Variants in RGS12 observed in about 807,000 individuals in gnomAD.
RGS12 encodes regulator of G protein signaling 12.
RGS12 carries 66 observed loss-of-function variants against 120.1 expected under a neutral mutation model. The observed-to-expected ratio is 0.55, with a 90% CI of 0.45 to 0.67. RGS12 has a LOEUF of 0.67. Among genes scored for constraint, RGS12 ranks in the 30% least tolerant of loss-of-function variants. RGS12 has a pLI of 0.00. For synonymous variants in RGS12, 827 were observed against 804.7 expected (o/e 1.03, Z -0.47); for missense variants, 1,859 against 1,957.7 (o/e 0.95, Z 0.95).
At position 3,316,346 on chromosome 4, in the gene RGS12, G is replaced by T. The variant is rs772508118; in HGVS notation, c.176G>T (p.Arg59Leu). The T allele has an allele frequency of 1.2e-6, 2 of 1,611,706 alleles. No homozygotes were observed. The highest frequency in any genetic ancestry group is 1.7e-6 in the Non-Finnish European group (2 of 1,178,866). The change falls in exon 2 of 18, where the codon CGA (arginine) becomes CTA (leucine). Residue 59 changes from arginine to leucine, a missense_variant. By Grantham distance (102) the Arg-to-Leu change is moderately radical. Coordinates refer to ENST00000336727, the MANE Select transcript of RGS12 (RefSeq NM_001394154.1). Reference sequence around the variant, plus strand: ...AGCCCTGCGGATTTCGTGGGCCTCCGAGCTGGAGACCAGATACTTGCTGTC... The same window carrying T: ...AGCCCTGCGGATTTCGTGGGCCTCCTAGCTGGAGACCAGATACTTGCTGTC... ...RGSPADFVGL[R>L]AGDQILAVNE...
Position 3,316,436 on chromosome 4 carries a change from G to T in RGS12, c.266G>T (p.Gly89Val), listed in dbSNP as rs761809566. The T allele has an allele frequency of 2.9e-5, 47 of 1,614,048 alleles. No individual in the cohort carries two copies. The highest frequency in any genetic ancestry group is 3.6e-5 in the Non-Finnish European group (43 of 1,180,060). ...GTGAAATTAATTGGGAAGTGCTCTG[G>T]TGTCCTTCACATGGTGATTGCTGAA... ...DVVKLIGKCS[G>V]VLHMVIAEGV... The change falls in exon 2 of 18, where the codon GGT becomes GTT. Residue 89 changes from glycine (G) to valine (V), a missense_variant. Gly to Val is a moderately radical substitution (Grantham distance 109). Around this residue, in one of 3 missense-constraint regions of RGS12, gnomAD observed 967 missense variants for 994.2 expected, o/e 0.97. Transcript: ENST00000336727.
At chr4:3,416,505 G>T (rs963970041) in intron 7 of RGS12, among the ~76,000 whole-genome samples, 1 of 152,204 alleles carries the variant, frequency 6.6e-6, no homozygotes, top group East Asian at 1.9e-4. Context: ...TATTCGAGAC[G>T]TGCCTGTGCA....
intron 3 of RGS12, among the ~76,000 whole-genome samples, chr4:3,345,966 G>T (rs1200288016): frequency 1.3e-5 from 2 of 152,002 alleles, no homozygotes; most frequent in Non-Finnish European, 2.9e-5. Context: ...CATGTTGCCC[G>T]GGCAGATCTT....
chr4:3,335,975 C>T (rs1330182629), intron 2 of RGS12, among the ~76,000 whole-genome samples: 1 of 152,092 alleles, frequency 6.6e-6, no homozygotes, highest in Non-Finnish European at 1.5e-5. Flanking sequence ...GCCTGTAGTC[C>T]CCGCTACTTG....
At chr4:3,399,228 G>A (rs764136758) in intron 4 of RGS12, among the ~76,000 whole-genome samples, 19 of 151,888 alleles carry the variant, frequency 1.3e-4, no homozygotes, top group African/African-American at 4.1e-4. Flanking sequence ...AAGCAAGTAC[G>A]GAAAAAAGGA....
intron 6 of RGS12, 138 bp downstream of exon 6, chr4:3,414,982 A>T: frequency 3.6e-6 from 1 of 276,978 alleles, no homozygotes; most frequent in Non-Finnish European, 6.2e-6. Context: ...GGCGTGTGAG[A>T]GGTTGCGTGT....
At chr4:3,363,102 A>AGTGT (rs200690267) in intron 3 of RGS12, among the ~76,000 whole-genome samples, 1 of 118,908 alleles carries the variant, frequency 8.4e-6, no homozygotes, top group Non-Finnish European at 1.8e-5. Context: ...TGTGTATGTG[A>AGTGT]GTGTGTGTGT....
chr4:3,320,873 C>T (rs113141676), intron 2 of RGS12, among the ~76,000 whole-genome samples: 20 of 152,272 alleles, frequency 1.3e-4, no homozygotes, highest in African/African-American at 3.4e-4. Flanking sequence ...CCCACCTGGA[C>T]GCTGGCCTGT....
At chr4:3,286,195 G>T in the RGS12 span, among the ~76,000 whole-genome samples, 1 of 152,206 alleles carries the variant, frequency 6.6e-6, no homozygotes, top group Non-Finnish European at 1.5e-5. Flanking sequence ...CAGGGGTGCA[G>T]GACCTTTGAT....
At chr4:3,375,248 G>A (rs1653652007) in intron 3 of RGS12, among the ~76,000 whole-genome samples, 1 of 145,744 alleles carries the variant, frequency 6.9e-6, no homozygotes, top group African/African-American at 2.6e-5. Context: ...CTCATCTCCA[G>A]CCCTCATCTC....
chr4:3,434,083 C>T (rs1724587110), intron 17 of RGS12, among the ~76,000 whole-genome samples: 1 of 152,200 alleles, frequency 6.6e-6, no homozygotes, highest in African/African-American at 2.4e-5. Flanking sequence ...ATACCCAAGA[C>T]TAGGTAATTT....
intron 5 of RGS12, 40 bp downstream of exon 5, chr4:3,414,281 G>A (rs1201614313): frequency 1.1e-5 from 17 of 1,499,040 alleles, no homozygotes; most frequent in Non-Finnish European, 1.4e-5. Flanking sequence ...AGCGGTCTGT[G>A]CTCTGCAGAG....
intron 2 of RGS12, among the ~76,000 whole-genome samples, chr4:3,337,083 A>G (rs1712560037): frequency 1.3e-5 from 2 of 152,258 alleles, no homozygotes; most frequent in African/African-American, 2.4e-5. Flanking sequence ...CAAGTAGTCA[A>G]TGGGCACGTG....
At chr4:3,380,532 CA>C (rs1303888819) in intron 3 of RGS12, among the ~76,000 whole-genome samples, 1 of 152,230 alleles carries the variant, frequency 6.6e-6, no homozygotes, top group Non-Finnish European at 1.5e-5. Flanking sequence ...CCCACCCCTG[CA>C]GCTAACTTCT....
chr4:3,346,629 G>A (rs1351416274), intron 3 of RGS12, among the ~76,000 whole-genome samples: 1 of 152,216 alleles, frequency 6.6e-6, no homozygotes, highest in African/African-American at 2.4e-5. Context: ...ATGGGAGGAA[G>A]CTGGAAGAAT....
chr4:3,312,884 C>T (rs1014169823), intron 1 of RGS12: 12 of 166,178 alleles, frequency 7.2e-5, no homozygotes, highest in African/African-American at 2.2e-4. Context: ...ATATTAGATA[C>T]GTGACTTAAA....
chr4:3,316,612 A>G lies in RGS12; in HGVS notation c.442A>G (p.Asn148Asp), dbSNP rs79884383. Reference protein sequence around the residue: ...VEEMQSGGIFNMIFENPSLCA... With the variant: ...VEEMQSGGIFDMIFENPSLCA... ...GGAAATGCAGTCTGGTGGAATTTTCAATATGATTTTTGAAAACCCGAGCCT... is the reference window on the plus strand; with the variant it reads ...GGAAATGCAGTCTGGTGGAATTTTCGATATGATTTTTGAAAACCCGAGCCT... Residue 148 changes from asparagine to aspartate, a missense_variant, in exon 2 of 18, where the codon AAT (asparagine) becomes GAT (aspartate). By Grantham distance (23) the Asn-to-Asp change is conservative (BLOSUM62 1). This residue lies in a region of RGS12 where 967 missense variants were observed against 994.2 expected (regional missense o/e 0.97). Coordinates refer to ENST00000336727, the MANE Select transcript of RGS12 (RefSeq NM_001394154.1). 1.4e-4 allele frequency: 233 copies of G among 1,614,194 alleles called. 1 individual carries two copies. In the African/African-American group the frequency reaches 2.7e-3, roughly 19 times the overall value.
intron 11 of RGS12, 143 bp from the exon 12 acceptor site, chr4:3,422,762 T>C (rs2109164084): frequency 1.0e-6 from 1 of 973,984 alleles, no homozygotes; most frequent in Non-Finnish European, 1.6e-6. Flanking sequence ...TGGGTTGGTG[T>C]GGAAAGGGTG....
At chr4:3,406,309 A>G (rs6446737) in intron 4 of RGS12, among the ~76,000 whole-genome samples, 7,640 of 152,322 alleles carry the variant, frequency 0.05, 598 homozygotes, top group African/African-American at 0.17. Context: ...CAAGAAGCAC[A>G]TGATGGACGG....
Sources: gnomAD v4.1 joint callset for allele counts (sites outside exome capture counted in the v4.1 genomes callset) on GRCh38, gnomAD v4.1.1 for gene constraint, gnomAD v4.1.1 regional missense constraint, MANE v1.5 for transcripts, NCBI Gene and HGNC (gene_info 2026-07-23, HGNC 2026-07-21) for gene names.